The following GLG1 variants were observed in gnomAD, a reference collection of about 807,000 sequenced individuals.
GLG1 encodes the protein golgi glycoprotein 1.
A neutral mutation model predicts 160.5 loss-of-function variants in GLG1; 38 were observed. That is an observed-to-expected ratio of 0.24 (90% CI 0.18 to 0.31). The LOEUF (loss-of-function observed/expected upper bound fraction) is 0.31. Among genes scored for constraint, GLG1 ranks in the 10% least tolerant of loss-of-function variants. The pLI, the probability that GLG1 is intolerant of heterozygous loss-of-function variation, is 1.00. For missense variants in GLG1, 1,373 were observed against 1,505.2 expected, an observed-to-expected ratio of 0.91 and a Z score of 1.45; for synonymous variants, 644 against 543.4, an observed-to-expected ratio of 1.19 and a Z score of -2.57.
chr16:74,511,771 C>G (rs1317851786), intron 2 of GLG1, among the ~76,000 whole-genome samples: 1 of 152,070 alleles, frequency 6.6e-6, no homozygotes, highest in East Asian at 1.9e-4. Flanking sequence ...TTTCCGCCAA[C>G]AGACGTTTAG....
At chr16:74,528,469 G>T (rs1476763287) in intron 2 of GLG1, among the ~76,000 whole-genome samples, 1 of 151,852 alleles carries the variant, frequency 6.6e-6, no homozygotes, top group African/African-American at 2.4e-5. Context: ...CTTTTTCTCT[G>T]CCTGCTTGTT....
At position 74,456,629 on chromosome 16, in the gene GLG1, G is replaced by C. The variant is rs754071634; in HGVS notation, c.3372+20C>G. The C allele has an allele frequency of 1.5e-5, 23 of 1,487,446 alleles. No homozygotes were observed. Among genetic ancestry groups the C allele is most frequent in the Non-Finnish European group, 1.9e-6 (2 of 1,074,714 alleles). 92.1% of individuals were successfully genotyped at this position (1,487,446 alleles called of 1,614,324 possible). A position where few individuals can be genotyped will look rare whatever the true frequency, so the allele number is the denominator to read the frequency against. ...ATATTTTTTTGTTTTTTTAAAAAAG[G>C]AGATTCTCTTGGTCATTACCTTTGC... On this transcript the variant is annotated intron_variant, in intron 25 of 25. Transcript: ENST00000422840.
At chr16:74,590,868 A>C (rs559247675) in intron 1 of GLG1, among the ~76,000 whole-genome samples, 1 of 151,636 alleles carries the variant, frequency 6.6e-6, no homozygotes, top group East Asian at 1.9e-4. Flanking sequence ...TGCTATCAAT[A>C]CACATAAGTC....
At chr16:74,465,624 C>CTTTGTTGT (rs920260150) in intron 19 of GLG1, 52 bp downstream of exon 19, 148 of 1,587,184 alleles carry the variant, frequency 9.3e-5, no homozygotes, top group Admixed American at 6.0e-4. Flanking sequence ...ATTGTTTGTG[C>CTTTGTTGT]TTTGTTGTTT....
chr16:74,548,688 C>A (rs1226134106), intron 1 of GLG1, among the ~76,000 whole-genome samples: 1 of 151,980 alleles, frequency 6.6e-6, no homozygotes, highest in East Asian at 1.9e-4. Flanking sequence ...ATTAGATGAT[C>A]AATTCTTAGA....
chr16:74,548,992 C>CAA (rs1285237220), intron 1 of GLG1, among the ~76,000 whole-genome samples: 1 of 146,946 alleles, frequency 6.8e-6, no homozygotes, highest in Non-Finnish European at 1.5e-5. Flanking sequence ...ACTCCATCAC[C>CAA]AAAAAAAAAA....
At chr16:74,477,292 G>T (rs577822775) in intron 12 of GLG1, 104 bp downstream of exon 12, 4 of 911,480 alleles carry the variant, frequency 4.4e-6, no homozygotes, top group South Asian at 4.2e-5. Flanking sequence ...AATCACATCT[G>T]TAAGGTAAAG....
intron 1 of GLG1, among the ~76,000 whole-genome samples, chr16:74,586,728 C>A (rs985120128): frequency 1.3e-5 from 2 of 150,896 alleles, no homozygotes; most frequent in African/African-American, 4.9e-5. Context: ...AATGTAGTCT[C>A]GCTATTGTTG....
rs1958574809 is a variant in GLG1 at position 74,606,675 on chromosome 16, G to A, written c.420C>T (p.Cys140=). The A allele has an allele frequency of 2.5e-6, 4 of 1,583,670 alleles. No individual in the cohort carries two copies. Among genetic ancestry groups the A allele is most frequent in the Non-Finnish European group, 3.4e-6 (4 of 1,161,074 alleles). The change falls in exon 1 of 26, where the codon TGC becomes TGT. Residue 140 remains cysteine (C), a synonymous_variant. Coordinates refer to ENST00000422840, the MANE Select transcript of GLG1 (RefSeq NM_001145667.2). ...TWSNNLAVLE[C]LQDVREPENE... is the part of the protein sequence containing the mutation. ...TCCTCACCTCCCTCACATCCTGCAG[G>A]CACTCGAGCACCGCCAGGTTGTTGC...
intron 1 of GLG1, among the ~76,000 whole-genome samples, chr16:74,578,109 TTTTG>T (rs1373672299): frequency 2.0e-5 from 3 of 152,188 alleles, no homozygotes; most frequent in East Asian, 1.9e-4. Flanking sequence ...GTCTGAGGTA[TTTTG>T]TTTGTTTTTG....
At chr16:74,507,016 T>C (rs562976477) in intron 3 of GLG1, among the ~76,000 whole-genome samples, 1 of 152,316 alleles carries the variant, frequency 6.6e-6, no homozygotes, top group Admixed American at 6.5e-5. Context: ...AAGTTTGGTT[T>C]GTATTAATAG....
rs759263460 is a variant in GLG1 at position 74,469,007 on chromosome 16, G to A, written c.2375C>T (p.Ala792Val). ...CTTCAGGGACACCCTGTGCTCCTTG[G>A]CTTCCTGCAGAGTGTCATTGCGCAC... ...TTVRNDTLQE[A>V]KEHRVSLKCR... The change falls in exon 17 of 26, where the codon GCC becomes GTC. Residue 792 changes from alanine (A) to valine (V), a missense_variant. By Grantham distance (64) the Ala-to-Val change is moderately conservative. Transcript: ENST00000422840. 3.7e-6 allele frequency: 6 copies of A among 1,614,072 alleles called. No individual in the cohort carries two copies. Among genetic ancestry groups the A allele is most frequent in the Middle Eastern group, 1.6e-4 (1 of 6,062 alleles).
At chr16:74,523,495 T>C (rs1056755693) in intron 2 of GLG1, among the ~76,000 whole-genome samples, 14 of 152,120 alleles carry the variant, frequency 9.2e-5, no homozygotes, top group African/African-American at 3.1e-4. Flanking sequence ...AAATATGGGA[T>C]TGCACAGAAT....
In GLG1 at chr16:74,460,262, T is replaced by C. The variant is rs538065001; in HGVS notation, c.3037-473A>G. On this transcript the variant is annotated intron_variant, in intron 22 of 25. Transcript: ENST00000422840. ...TCTCGAACTTCTGATCTCAGGTGAT[T>C]GCCCACCTTGGCTTCCCAAAGGGCT... is the stretch of plus-strand genomic sequence containing the variant. Among the ~76,000 whole-genome samples, 4 of 152,186 alleles carry C rather than the reference T, an allele frequency of 2.6e-5. No homozygotes were observed. In the South Asian group the frequency reaches 8.3e-4, roughly 32 times the overall value.
chr16:74,452,285 C>T lies in GLG1; in HGVS notation c.*882G>A, dbSNP rs908526522. ...GACTGTAGCCTCAGCAGGGCCGGTC[C>T]AGACATGGCTGAGTCCTGTGCTGCC... On this transcript the variant is annotated 3_prime_UTR_variant, in exon 26 of 26. Transcript: ENST00000422840. 37 of 1,460,154 alleles carry T rather than the reference C, an allele frequency of 2.5e-5. No individual in the cohort carries two copies. Among genetic ancestry groups the T allele is most frequent in the Admixed American group, 2.3e-5 (1 of 42,766 alleles). 90.4% of individuals were successfully genotyped at this position (1,460,154 alleles called of 1,614,324 possible). A position where few individuals can be genotyped will look rare whatever the true frequency, so the allele number is the denominator to read the frequency against.
intron 1 of GLG1, among the ~76,000 whole-genome samples, chr16:74,605,279 G>A (rs775585183): frequency 3.5e-5 from 5 of 143,132 alleles, no homozygotes; most frequent in Non-Finnish European, 7.5e-5. Context: ...GTTTCCAAAT[G>A]TCCGGAATAC....
intron 1 of GLG1, among the ~76,000 whole-genome samples, chr16:74,571,223 G>T (rs1166485370): frequency 2.0e-5 from 3 of 152,022 alleles, no homozygotes; most frequent in South Asian, 2.1e-4. Context: ...GGCCATCTGG[G>T]TCTGTCCAAC....
rs1211514333 is a variant in GLG1, at chr16:74,546,724, G to A, written c.439-14571C>T. Among the ~76,000 whole-genome samples, 8 of 151,626 alleles carry A rather than the reference G, an allele frequency of 5.3e-5. No homozygotes were observed. In the East Asian group the frequency reaches 5.8e-4, roughly 11 times the overall value. On this transcript the variant is annotated intron_variant, in intron 1 of 25. Coordinates refer to ENST00000422840, the MANE Select transcript of GLG1 (RefSeq NM_001145667.2). ...GTGGTGGCAGGCACCTGTAATCCCCGCTACTTGGGAGGCTGAGGCAGGAGA... is the reference window on the plus strand; with the variant it reads ...GTGGTGGCAGGCACCTGTAATCCCCACTACTTGGGAGGCTGAGGCAGGAGA...
intron 2 of GLG1, among the ~76,000 whole-genome samples, chr16:74,524,292 T>G (rs1444945016): frequency 6.6e-6 from 1 of 152,240 alleles, no homozygotes; most frequent in Non-Finnish European, 1.5e-5. Context: ...CTTGCCTTAC[T>G]GCACTGGCTA....
Sources: gnomAD v4.1 joint callset for allele counts (sites outside exome capture counted in the v4.1 genomes callset) on GRCh38, gnomAD v4.1.1 for gene constraint, MANE v1.5 for transcripts, NCBI Gene and HGNC (gene_info 2026-07-23, HGNC 2026-07-21) for gene names.